Variants in SEMA5A observed in about 807,000 individuals in gnomAD.
The protein encoded by SEMA5A is semaphorin 5A.
Under a neutral mutation model 135.5 loss-of-function variants are expected in SEMA5A, and 55 were observed. That is an observed-to-expected ratio of 0.41 (90% CI 0.33 to 0.51). The LOEUF is 0.51. SEMA5A is among the 20% of genes least tolerant of loss of function. The probability of loss-of-function intolerance (pLI) is 0.37; values close to 1 mark genes in which losing one functional copy is unlikely to be tolerated. For missense variants in SEMA5A, 1,290 were observed against 1,419.9 expected (o/e 0.91, Z 1.47); for synonymous variants, 580 against 546.5 (o/e 1.06, Z -0.85).
At chr5:9,288,549 A>G (rs2150579275) in intron 5 of SEMA5A, among the ~76,000 whole-genome samples, 1 of 152,336 alleles carries the variant, frequency 6.6e-6, no homozygotes, top group East Asian at 1.9e-4. Flanking sequence ...GGGGCAAGAG[A>G]AAATAGCCAG....
chr5:9,201,091 A>G (rs1806107), intron 9 of SEMA5A, among the ~76,000 whole-genome samples: 1 of 152,234 alleles, frequency 6.6e-6, no homozygotes, highest in African/African-American at 2.4e-5. Flanking sequence ...GTCACAAGAC[A>G]AGAGATTTCA....
intron 5 of SEMA5A, among the ~76,000 whole-genome samples, chr5:9,307,248 T>C (rs1389553545): frequency 1.3e-5 from 2 of 152,202 alleles, no homozygotes; most frequent in African/African-American, 2.4e-5. Flanking sequence ...AACATTGTGT[T>C]CTAATGAAGA....
intron 6 of SEMA5A, among the ~76,000 whole-genome samples, chr5:9,231,751 A>G (rs918060129): frequency 1.3e-5 from 2 of 152,212 alleles, no homozygotes; most frequent in Non-Finnish European, 2.9e-5. Flanking sequence ...TTAAATGTCT[A>G]TGATTTTCCT....
intron 4 of SEMA5A, among the ~76,000 whole-genome samples, chr5:9,334,327 C>T (rs968770801): frequency 6.6e-6 from 1 of 152,148 alleles, no homozygotes; most frequent in Non-Finnish European, 1.5e-5. Context: ...TCAAGCTTTG[C>T]CAAACAGGAA....
chr5:9,238,241 T>C (rs1252649561), intron 5 of SEMA5A, among the ~76,000 whole-genome samples: 1 of 152,194 alleles, frequency 6.6e-6, no homozygotes, highest in Non-Finnish European at 1.5e-5. Context: ...CAGACGAGGC[T>C]TAAGGGAGAG....
chr5:9,298,828 G>A (rs999308589), intron 5 of SEMA5A, among the ~76,000 whole-genome samples: 11 of 152,112 alleles, frequency 7.2e-5, no homozygotes, highest in South Asian at 2.1e-4. Flanking sequence ...GAAGGTAATC[G>A]TCAAACATTT....
At chr5:9,315,462 A>G (rs1423261521) in intron 5 of SEMA5A, among the ~76,000 whole-genome samples, 2 of 152,208 alleles carry the variant, frequency 1.3e-5, no homozygotes, top group Non-Finnish European at 2.9e-5. Flanking sequence ...TTGTCCAAAT[A>G]ATGTCCTTTA....
At chr5:9,319,294 G>A (rs894516719) in intron 4 of SEMA5A, among the ~76,000 whole-genome samples, 3 of 152,118 alleles carry the variant, frequency 2.0e-5, no homozygotes, top group African/African-American at 7.2e-5. Context: ...CATGAACTTG[G>A]TGGTCTGCCC....
chr5:9,035,886 T>C lies in SEMA5A; in HGVS notation c.*7011A>G, dbSNP rs555765330. On this transcript the variant is annotated 3_prime_UTR_variant, in exon 23 of 23. Transcript: ENST00000382496. ...AATTATAATTAAGATACATTGTCTT[T>C]TAAAATTAAATTTAAGATCAGTAAC... is the stretch of plus-strand genomic sequence containing the variant. The C allele has an allele frequency of 8.1e-4, 117 of 144,344 alleles. No homozygotes were observed. Among genetic ancestry groups the C allele is most frequent in the African/African-American group, 2.9e-3 (114 of 38,834 alleles). 8.9% of individuals were successfully genotyped at this position (144,344 alleles called of 1,614,324 possible). A position where few individuals can be genotyped will look rare whatever the true frequency, so the allele number is the denominator to read the frequency against.
intron 5 of SEMA5A, among the ~76,000 whole-genome samples, chr5:9,316,391 G>T (rs1752391079): frequency 1.3e-5 from 2 of 152,222 alleles, no homozygotes; most frequent in African/African-American, 4.8e-5. Flanking sequence ...TGTGTTCACT[G>T]CTACTAAGAA....
At chr5:9,275,136 A>G (rs994540458) in intron 5 of SEMA5A, among the ~76,000 whole-genome samples, 2 of 152,140 alleles carry the variant, frequency 1.3e-5, no homozygotes, top group Admixed American at 6.5e-5. Context: ...GCAATAAAAA[A>G]TGATAAAGGG....
At chr5:9,096,927 A>G (rs745835835) in intron 16 of SEMA5A, among the ~76,000 whole-genome samples, 29 of 152,164 alleles carry the variant, frequency 1.9e-4, no homozygotes, top group Admixed American at 7.2e-4. Context: ...GGTACTCTCT[A>G]TGATGAAAAA....
At chr5:9,228,138 C>T (rs1173821611) in intron 6 of SEMA5A, among the ~76,000 whole-genome samples, 1 of 152,122 alleles carries the variant, frequency 6.6e-6, no homozygotes, top group Non-Finnish European at 1.5e-5. Context: ...AATACAGGAT[C>T]ATGACAATTA....
chr5:9,068,419 A>T (rs191008310), intron 16 of SEMA5A, among the ~76,000 whole-genome samples: 2 of 152,298 alleles, frequency 1.3e-5, no homozygotes, highest in African/African-American at 4.8e-5. Context: ...AGGCTGAGCC[A>T]TGGAGGATCT....
At chr5:9,434,494 G>C (rs268481) in intron 2 of SEMA5A, among the ~76,000 whole-genome samples, 26,355 of 151,822 alleles carry the variant, frequency 0.17, 2,475 homozygotes, top group African/African-American at 0.24. Context: ...GGATGATAAA[G>C]TGCAAACACC....
chr5:9,497,110 C>T (rs917796636), intron 1 of SEMA5A, among the ~76,000 whole-genome samples: 4 of 152,126 alleles, frequency 2.6e-5, no homozygotes, highest in African/African-American at 9.7e-5. Context: ...TTTAGTTGAG[C>T]ACATTAGATA....
chr5:9,461,090 C>T (rs769237271), intron 1 of SEMA5A, among the ~76,000 whole-genome samples: 3 of 152,126 alleles, frequency 2.0e-5, no homozygotes, highest in South Asian at 2.1e-4. Context: ...TTCATGGAAA[C>T]GCCTCTTTCC....
chr5:9,254,886 G>A (rs1805982), intron 5 of SEMA5A, among the ~76,000 whole-genome samples: 1,801 of 152,278 alleles, frequency 0.012, 33 homozygotes, highest in African/African-American at 0.04. Flanking sequence ...GTTTAAGCCC[G>A]TGGTGATAAG....
intron 1 of SEMA5A, among the ~76,000 whole-genome samples, chr5:9,464,945 G>A (rs556178363): frequency 1.8e-4 from 27 of 152,322 alleles, no homozygotes; most frequent in Admixed American, 5.2e-4. Context: ...AGCGTGTGCG[G>A]ACCTGTGGCT....
Sources: gnomAD v4.1 joint callset for allele counts (sites outside exome capture counted in the v4.1 genomes callset) on GRCh38, gnomAD v4.1.1 for gene constraint, MANE v1.5 for transcripts, NCBI Gene and HGNC (gene_info 2026-07-23, HGNC 2026-07-21) for gene names.